Variants in KDM4C observed in about 807,000 individuals in gnomAD.
KDM4C encodes the protein lysine-specific demethylase 4C.
In KDM4C, 81 loss-of-function variants were observed where a neutral mutation model predicts 129.3. The ratio of observed to expected loss-of-function variants is 0.63; its 90% CI spans 0.52 to 0.75. The LOEUF (loss-of-function observed/expected upper bound fraction) is 0.75. Ranked by LOEUF, KDM4C falls within the 30% of genes least tolerant of loss-of-function variation. KDM4C has a pLI of 0.00. For synonymous variants in KDM4C, 573 were observed against 456.1 expected, an observed-to-expected ratio of 1.26 and a Z score of -3.26; for missense variants, 1,457 against 1,304.0, an observed-to-expected ratio of 1.12 and a Z score of -1.81.
At chr9:6,865,094 T>G (rs138189644) in intron 5 of KDM4C, among the ~76,000 whole-genome samples, 1 of 150,058 alleles carries the variant, frequency 6.7e-6, no homozygotes, top group Admixed American at 6.7e-5. Context: ...CTGCAAGCTC[T>G]GCCTCCCGGG....
intron 8 of KDM4C, among the ~76,000 whole-genome samples, chr9:6,922,125 AT>A (rs1435116168): frequency 6.6e-6 from 1 of 152,206 alleles, no homozygotes; most frequent in Non-Finnish European, 1.5e-5. Flanking sequence ...GCATGAATGA[AT>A]GAATGTATGA....
chr9:6,749,153 G>C (rs1817986887), intron 1 of KDM4C, among the ~76,000 whole-genome samples: 1 of 152,210 alleles, frequency 6.6e-6, no homozygotes, highest in African/African-American at 2.4e-5. Context: ...CCAAGTAGCT[G>C]GGATTACAGG....
chr9:7,014,661 A>T (rs1414009220), intron 14 of KDM4C, among the ~76,000 whole-genome samples: 3 of 152,166 alleles, frequency 2.0e-5, no homozygotes, highest in Non-Finnish European at 2.9e-5. Context: ...TCCAGATCTT[A>T]CCAAATCACA....
chr9:7,058,116 G>A (rs1831123084), intron 17 of KDM4C, among the ~76,000 whole-genome samples: 1 of 152,144 alleles, frequency 6.6e-6, no homozygotes, highest in Admixed American at 6.5e-5. Context: ...CAATCTCTCA[G>A]AAGGCATTGG....
At chr9:6,833,618 G>T (rs1052900013) in intron 4 of KDM4C, among the ~76,000 whole-genome samples, 2 of 152,164 alleles carry the variant, frequency 1.3e-5, no homozygotes, top group Non-Finnish European at 2.9e-5. Flanking sequence ...GTTGATAATA[G>T]TTGATGGTAG....
chr9:7,004,130 G>C (rs1384077065), intron 12 of KDM4C, among the ~76,000 whole-genome samples: 8 of 152,200 alleles, frequency 5.3e-5, no homozygotes, highest in Non-Finnish European at 1.2e-4. Flanking sequence ...GGAGCTGATA[G>C]CTTTTCTCAT....
chr9:6,823,900 C>A (rs1447139841), intron 4 of KDM4C, among the ~76,000 whole-genome samples: 1 of 152,192 alleles, frequency 6.6e-6, no homozygotes, highest in African/African-American at 2.4e-5. Flanking sequence ...CTTACTTTCT[C>A]CTCGGGTTTT....
Position 6,792,972 on chromosome 9 carries a change from A to T in KDM4C, c.-17A>T, listed in dbSNP as rs1826983938. 1.2e-6 allele frequency: 2 copies of T among 1,614,066 alleles called. No homozygotes were observed. Among genetic ancestry groups the T allele is most frequent in the South Asian group, 1.1e-5 (1 of 91,058 alleles). On this transcript the variant is annotated splice_region_variant and 5_prime_UTR_variant, in exon 2 of 22. Coordinates refer to ENST00000381309, the MANE Select transcript of KDM4C (RefSeq NM_015061.6). ...GTTGACCCTACTGTCTTCTCTCCAG[A>T]CACTGCCCTAACCATCATGGAGGTG... is the stretch of plus-strand genomic sequence containing the variant.
At chr9:6,924,045 C>T (rs1589130491) in intron 8 of KDM4C, among the ~76,000 whole-genome samples, 2 of 152,072 alleles carry the variant, frequency 1.3e-5, no homozygotes, top group African/African-American at 2.4e-5. Flanking sequence ...GTGCCTTAGG[C>T]GAGACAATGT....
intron 17 of KDM4C, among the ~76,000 whole-genome samples, chr9:7,084,594 A>T (rs956721581): frequency 3.9e-5 from 6 of 152,146 alleles, no homozygotes; most frequent in African/African-American, 1.4e-4. Context: ...GCTACATTGT[A>T]TATATTTTAA....
chr9:7,127,771 G>GTA (rs1204050571), intron 18 of KDM4C: 8 of 225,876 alleles, frequency 3.5e-5, no homozygotes, highest in Admixed American at 2.7e-4. Flanking sequence ...ATACACGTGT[G>GTA]TATATATATA....
chr9:6,948,907 C>T (rs1385893939), intron 8 of KDM4C, among the ~76,000 whole-genome samples: 15 of 152,200 alleles, frequency 9.9e-5, no homozygotes, highest in Admixed American at 7.9e-4. Flanking sequence ...CAGCAACAAT[C>T]TGATTTCTCT....
intron 1 of KDM4C, among the ~76,000 whole-genome samples, chr9:6,783,758 A>G (rs1563995955): frequency 1.3e-5 from 2 of 152,214 alleles, no homozygotes; most frequent in Non-Finnish European, 2.9e-5. Flanking sequence ...TAAGAGGACT[A>G]AAAACAACAT....
chr9:6,836,107 G>C (rs555591302), intron 4 of KDM4C, among the ~76,000 whole-genome samples: 1 of 152,148 alleles, frequency 6.6e-6, no homozygotes, highest in South Asian at 2.1e-4. Flanking sequence ...GGTACAGGCA[G>C]CCAGGGCTTA....
chr9:7,109,707 G>C (rs150777497), intron 18 of KDM4C, among the ~76,000 whole-genome samples: 9 of 152,164 alleles, frequency 5.9e-5, no homozygotes, highest in African/African-American at 1.7e-4. Flanking sequence ...AGCCCATTGC[G>C]TACCAGTTGA....
At chr9:7,091,785 T>C (rs1353613988) in intron 17 of KDM4C, among the ~76,000 whole-genome samples, 2 of 152,056 alleles carry the variant, frequency 1.3e-5, no homozygotes, top group African/African-American at 4.8e-5. Context: ...AGCCTGCGAC[T>C]GGGAAGACAT....
chr9:6,758,238 G>T lies in KDM4C; in HGVS notation c.-18+35G>T, dbSNP rs1040404143. On this transcript the variant is annotated intron_variant, in intron 1 of 21. Transcript: ENST00000381309. This position sits in a 1 kb window ranked among gnomAD's most constrained non-coding sequence, Gnocchi z 4.6. ...TTTCCGGAGTCTGGGGGCCAGGGCGGGGGGAGGGTCCGGAGAGGTCTTCCC... is the reference window on the plus strand; with the variant it reads ...TTTCCGGAGTCTGGGGGCCAGGGCGTGGGGAGGGTCCGGAGAGGTCTTCCC... The T allele has an allele frequency of 4.1e-6, 4 of 982,140 alleles. No homozygotes were observed. The highest frequency in any genetic ancestry group is 4.8e-6 in the Non-Finnish European group (4 of 826,902). The allele number at this position is 982,140 out of a possible 1,614,324, so 60.8% of individuals were successfully genotyped here. A position where few individuals can be genotyped will look rare whatever the true frequency, so the allele number is the denominator to read the frequency against.
intron 18 of KDM4C, chr9:7,105,596 C>G: frequency 2.6e-6 from 1 of 390,974 alleles, no homozygotes. Context: ...GTGGCAGGTG[C>G]TGGAATGTAA....
chr9:6,807,855 C>T (rs1250996174), intron 3 of KDM4C, among the ~76,000 whole-genome samples: 1 of 146,670 alleles, frequency 6.8e-6, no homozygotes, highest in Non-Finnish European at 1.5e-5. Flanking sequence ...GGGGTCAGCC[C>T]CCCAACCTGG....
Sources: allele counts gnomAD v4.1 joint callset (sites outside exome capture counted in the v4.1 genomes callset), GRCh38; gene constraint gnomAD v4.1.1; non-coding constraint Gnocchi (gnomAD v3.1); transcripts MANE v1.5; gene names NCBI Gene and HGNC (gene_info 2026-07-23, HGNC 2026-07-21).